The following SBF2 variants were observed in gnomAD, a reference collection of about 807,000 sequenced individuals.
The protein encoded by SBF2 is SET binding factor 2.
SBF2 carries 112 observed loss-of-function variants against 225.2 expected under a neutral mutation model. The ratio of observed to expected loss-of-function variants is 0.50; its 90% confidence interval spans 0.43 to 0.58. The LOEUF (loss-of-function observed/expected upper bound fraction) is 0.58, where lower values mean the gene tolerates loss of function less well. SBF2 is among the 20% of genes least tolerant of loss of function. The pLI is 0.00. For missense variants in SBF2, 1,996 were observed against 2,206.2 expected, an observed-to-expected ratio of 0.90 and a Z score of 1.91; for synonymous variants, 763 against 773.3, an observed-to-expected ratio of 0.99 and a Z score of 0.22.
intron 1 of SBF2, among the ~76,000 whole-genome samples, chr11:10,258,107 CACT>C (rs1961050579): frequency 6.8e-6 from 1 of 147,338 alleles, no homozygotes; most frequent in Admixed American, 6.8e-5. Context: ...CACACACACA[CACT>C]TTTTTTTTTT....
chr11:10,047,881 A>G (rs1590833919), intron 2 of SBF2, among the ~76,000 whole-genome samples: 1 of 152,184 alleles, frequency 6.6e-6, no homozygotes, highest in Non-Finnish European at 1.5e-5. Context: ...TATTCTATGA[A>G]GTCTTCTTTG....
rs574177096 is a variant in SBF2 at position 9,932,957 on chromosome 11, C to CAAAAAAA, written c.1860+28993_1860+28999dup. ...GGAGATCTACCAAGCAAACGAAAAG[C>CAAAAAAA]AAAAAAAAAAAAAAAAAAAAAAAAA... On this transcript the variant is annotated intron_variant, in intron 16 of 39. Transcript: ENST00000256190. 6.1e-4 allele frequency among the ~76,000 whole-genome samples: 36 copies of CAAAAAAA among 58,762 alleles called. 3 individuals are homozygous for CAAAAAAA. The East Asian group carries it at 0.017, about 27-fold the overall frequency. 38.6% of individuals were successfully genotyped at this position (58,762 alleles called of 152,430 possible).
intron 16 of SBF2, among the ~76,000 whole-genome samples, chr11:9,920,290 T>C (rs1272728810): frequency 1.3e-5 from 2 of 151,564 alleles, no homozygotes; most frequent in South Asian, 4.2e-4. Context: ...ACAGGCAGAA[T>C]TGGGAAGGGG....
intron 1 of SBF2, among the ~76,000 whole-genome samples, chr11:10,273,466 C>T (rs1254227794): frequency 1.3e-5 from 2 of 152,180 alleles, no homozygotes; most frequent in East Asian, 3.8e-4. Flanking sequence ...TGAGCACATG[C>T]TTCTAAAGAA....
intron 21 of SBF2, 22 bp downstream of exon 21, chr11:9,852,654 A>C: frequency 6.3e-7 from 1 of 1,575,640 alleles, no homozygotes; most frequent in South Asian, 1.1e-5. Context: ...CTATACCCTG[A>C]AAGCATGTAG....
intron 17 of SBF2, among the ~76,000 whole-genome samples, chr11:9,878,444 T>C (rs7350496): frequency 0.28 from 42,141 of 152,082 alleles, 7,104 homozygotes; most frequent in African/African-American, 0.47. Context: ...TTGCTTTTGG[T>C]GTTTTAGTCA....
intron 17 of SBF2, among the ~76,000 whole-genome samples, chr11:9,892,805 C>T (rs1001456216): frequency 3.9e-5 from 6 of 152,050 alleles, no homozygotes; most frequent in South Asian, 4.1e-4. Context: ...GTGATCCGCC[C>T]GCCTCGGCCT....
intron 32 of SBF2, among the ~76,000 whole-genome samples, chr11:9,797,168 C>T (rs557619936): frequency 6.6e-6 from 1 of 152,298 alleles, no homozygotes; most frequent in South Asian, 2.1e-4. Context: ...CGGACCTGTA[C>T]TTAGTCAGCT....
chr11:10,220,296 C>T (rs1958294551), intron 1 of SBF2, among the ~76,000 whole-genome samples: 1 of 152,130 alleles, frequency 6.6e-6, no homozygotes, highest in African/African-American at 2.4e-5. Flanking sequence ...CCTCGCCCCA[C>T]CAGCCCATGA....
intron 1 of SBF2, among the ~76,000 whole-genome samples, chr11:10,269,075 C>A (rs1962252035): frequency 6.6e-6 from 1 of 152,170 alleles, no homozygotes; most frequent in Non-Finnish European, 1.5e-5. Flanking sequence ...AGAGTATAAA[C>A]TGACACATCT....
intron 3 of SBF2, among the ~76,000 whole-genome samples, chr11:10,041,389 C>G (rs1949651231): frequency 2.0e-5 from 3 of 152,132 alleles, no homozygotes; most frequent in Admixed American, 2.0e-4. Flanking sequence ...TAATCTCTAA[C>G]TTCAAATAGA....
chr11:10,244,800 T>C (rs1189080241), intron 1 of SBF2, among the ~76,000 whole-genome samples: 3 of 152,092 alleles, frequency 2.0e-5, no homozygotes, highest in Admixed American at 1.3e-4. Context: ...ATCTAAAATA[T>C]ACAAGGAATC....
intron 2 of SBF2, among the ~76,000 whole-genome samples, chr11:10,105,815 C>T (rs985799977): frequency 6.6e-6 from 1 of 152,126 alleles, no homozygotes; most frequent in Non-Finnish European, 1.5e-5. Flanking sequence ...GATTCTATAG[C>T]TATATCAAAC....
intron 1 of SBF2, among the ~76,000 whole-genome samples, chr11:10,277,302 A>C (rs1963035137): frequency 6.6e-6 from 1 of 151,906 alleles, no homozygotes. Context: ...TCTTCCAAGG[A>C]ATTCTGAATT....
Position 9,847,059 on chromosome 11 carries a change from C to T in SBF2, c.2831G>A (p.Ser944Asn), listed in dbSNP as rs767683060. The T allele has an allele frequency of 4.3e-6, 7 of 1,613,772 alleles. No individual in the cohort carries two copies. Among genetic ancestry groups the T allele is most frequent in the South Asian group, 1.1e-5 (1 of 91,082 alleles). ...CTTGGTGATGGAGGCAATGGGAAAGCTCCGCACAACTGTCTGCTCACCCAC... is the reference window on the plus strand; with the variant it reads ...CTTGGTGATGGAGGCAATGGGAAAGTTCCGCACAACTGTCTGCTCACCCAC... ...QLVGEQTVVR[S>N]FPIASITKEK... Residue 944 changes from serine (S) to asparagine (N), a missense_variant, in exon 23 of 40, where the codon AGC becomes AAC. By Grantham distance (46) the Ser-to-Asn change is conservative (BLOSUM62 1). Coordinates refer to ENST00000256190, the MANE Select transcript of SBF2 (RefSeq NM_030962.4).
chr11:10,067,141 T>C (rs944065757), intron 2 of SBF2, among the ~76,000 whole-genome samples: 3 of 152,010 alleles, frequency 2.0e-5, no homozygotes, highest in Non-Finnish European at 4.4e-5. Flanking sequence ...TACTTAGGGA[T>C]ACATATGTCA....
At chr11:10,295,974 T>C (rs912625604), upstream of SBF2, among the ~76,000 whole-genome samples, 4 of 152,202 alleles carry the variant, frequency 2.6e-5, no homozygotes, top group Non-Finnish European at 5.9e-5. Context: ...ACAACTACCA[T>C]GTCTATCTAG....
chr11:10,190,184 C>G (rs1249701202), intron 2 of SBF2, among the ~76,000 whole-genome samples: 1 of 150,350 alleles, frequency 6.7e-6, no homozygotes, highest in African/African-American at 2.4e-5. Context: ...AAGGTCAAAA[C>G]AATACAATTT....
intron 2 of SBF2, among the ~76,000 whole-genome samples, chr11:10,150,128 CAT>C (rs768094847): frequency 7.2e-5 from 11 of 152,118 alleles, no homozygotes; most frequent in Admixed American, 3.9e-4. Flanking sequence ...ACAAAAATTG[CAT>C]ACTCTTATCT....
Sources: allele counts gnomAD v4.1 joint callset (sites outside exome capture counted in the v4.1 genomes callset), GRCh38; gene constraint gnomAD v4.1.1; transcripts MANE v1.5; gene names NCBI Gene and HGNC (gene_info 2026-07-23, HGNC 2026-07-21).